Variants in ZNF280D observed in about 807,000 individuals in gnomAD.
ZNF280D encodes the protein zinc finger protein 280D.
In ZNF280D, 39 loss-of-function variants were observed where a neutral mutation model predicts 94.7. The ratio of observed to expected loss-of-function variants is 0.41; its 90% CI spans 0.32 to 0.54. The LOEUF is 0.54. Ranked by LOEUF, ZNF280D falls within the 20% of genes least tolerant of loss-of-function variation. ZNF280D has a pLI of 0.22. For missense variants in ZNF280D, 1,090 were observed against 1,149.3 expected, an observed-to-expected ratio of 0.95 and a Z score of 0.75; for synonymous variants, 398 against 377.6, an observed-to-expected ratio of 1.05 and a Z score of -0.63.
intron 16 of ZNF280D, among the ~76,000 whole-genome samples, chr15:56,664,962 T>TAC (rs2054188914): frequency 6.6e-6 from 1 of 152,144 alleles, no homozygotes; most frequent in Non-Finnish European, 1.5e-5. Flanking sequence ...GAGTCAAAGC[T>TAC]CTGAACATCA....
At chr15:56,727,644 AAG>A (rs2058689803) in intron 1 of ZNF280D, among the ~76,000 whole-genome samples, 1 of 152,184 alleles carries the variant, frequency 6.6e-6, no homozygotes, top group African/African-American at 2.4e-5. Flanking sequence ...GAATACAATT[AAG>A]AACTCAGACT....
At chr15:56,655,497 G>A (rs772612624) in intron 17 of ZNF280D, among the ~76,000 whole-genome samples, 9 of 152,224 alleles carry the variant, frequency 5.9e-5, no homozygotes, top group South Asian at 2.1e-4. Context: ...GAGCCACTGC[G>A]CCCGGCCTGA....
intron 6 of ZNF280D, chr15:56,699,686 T>A: frequency 1.6e-6 from 1 of 618,440 alleles, no homozygotes; most frequent in Non-Finnish European, 2.0e-6. Context: ...AAAAATCAGG[T>A]AGTTTACCTC....
Position 56,678,832 on chromosome 15 carries a change from T to C in ZNF280D, c.1005-11A>G. ...ATGTGGTTCATAAACCTATAAATGGTTGTCAACAGGTGCAAAACTTGAGAT... is the reference window on the plus strand; with the variant it reads ...ATGTGGTTCATAAACCTATAAATGGCTGTCAACAGGTGCAAAACTTGAGAT... On this transcript the variant is annotated splice_polypyrimidine_tract_variant and intron_variant, in intron 10 of 21. Transcript: ENST00000267807. 1 of 1,525,814 alleles carries C rather than the reference T, an allele frequency of 6.6e-7. No individual in the cohort carries two copies. Among genetic ancestry groups the C allele is most frequent in the East Asian group, 2.3e-5 (1 of 42,584 alleles). 94.5% of individuals were successfully genotyped at this position (1,525,814 alleles called of 1,614,324 possible).
chr15:56,731,980 G>A (rs1213469783), intron 1 of ZNF280D, among the ~76,000 whole-genome samples: 1 of 152,070 alleles, frequency 6.6e-6, no homozygotes, highest in African/African-American at 2.4e-5. Flanking sequence ...GACCAGCCTG[G>A]GCAACATAAC....
At chr15:56,690,933 T>C (rs944692049) in intron 7 of ZNF280D, among the ~76,000 whole-genome samples, 4 of 152,158 alleles carry the variant, frequency 2.6e-5, no homozygotes, top group Admixed American at 6.5e-5. Context: ...CTTGTCACTC[T>C]CTAGTTATGT....
chr15:56,678,629 A>G (rs2055406318), intron 11 of ZNF280D, 35 bp downstream of exon 11: 1 of 1,476,068 alleles, frequency 6.8e-7, no homozygotes, highest in African/African-American at 1.4e-5. Context: ...AGCGAAATCA[A>G]TAATATGGAA....
intron 1 of ZNF280D, among the ~76,000 whole-genome samples, chr15:56,713,740 A>C (rs1160256798): frequency 6.6e-6 from 1 of 152,196 alleles, no homozygotes. Flanking sequence ...TTTAATGTTC[A>C]CCACCTTACA....
chr15:56,732,335 A>G (rs1163862985), intron 1 of ZNF280D, among the ~76,000 whole-genome samples: 7 of 152,168 alleles, frequency 4.6e-5, no homozygotes, highest in African/African-American at 1.4e-4. Flanking sequence ...ACACAATTAC[A>G]ACAGTATTTG....
In ZNF280D at chr15:56,675,498, T is replaced by G. The variant is rs112742958; in HGVS notation, c.1410+1172A>C. The stretch of plus-strand genomic sequence containing the variant: ...GTGATCTATTCCAAGAATAAATAAA[T>G]ATCTGTATTAAATTTTTTATAAGTA... On this transcript the variant is annotated intron_variant, in intron 13 of 21. Coordinates refer to ENST00000267807, the MANE Select transcript of ZNF280D (RefSeq NM_017661.4). Among the ~76,000 whole-genome samples, 186 of 151,850 alleles carry G rather than the reference T, an allele frequency of 1.2e-3. 6 individuals are homozygous for G. The highest frequency in any genetic ancestry group is 4.3e-3 in the African/African-American group (178 of 41,352).
chr15:56,706,826 T>C (rs1399739080), intron 3 of ZNF280D, among the ~76,000 whole-genome samples: 8 of 152,294 alleles, frequency 5.3e-5, no homozygotes, highest in African/African-American at 1.9e-4. Flanking sequence ...TTAATTTTTG[T>C]CTATGTACAG....
At chr15:56,690,718 G>T (rs750146701) in intron 7 of ZNF280D, among the ~76,000 whole-genome samples, 15 of 151,866 alleles carry the variant, frequency 9.9e-5, no homozygotes, top group South Asian at 2.1e-4. Context: ...GTTTTTTTTT[G>T]AAAATAACAT....
rs149587202 is a variant in ZNF280D, at chr15:56,689,312, T to G, written c.658A>C (p.Met220Leu). The G allele has an allele frequency of 1.9e-6, 3 of 1,597,822 alleles. No individual in the cohort carries two copies. The South Asian group carries it at 3.5e-5, about 18-fold the overall frequency. The change falls in exon 8 of 22, where the codon ATG becomes CTG. Residue 220 changes from methionine (M) to leucine (L), a missense_variant. Met to Leu is a conservative substitution (Grantham distance 15). Transcript: ENST00000267807. Reference protein sequence around the residue: ...KSPSVTSSQAMLAKGTNTSSN... With the variant: ...KSPSVTSSQALLAKGTNTSSN... ...ATTTCATATTTACCTTTTGCTAGCA[T>G]AGCCTGGGAAGAAGTCACTGAAGGA...
intron 20 of ZNF280D, among the ~76,000 whole-genome samples, chr15:56,641,217 A>G (rs2052611682): frequency 1.3e-5 from 2 of 152,124 alleles, no homozygotes; most frequent in East Asian, 1.9e-4. Context: ...TTCATCAAAT[A>G]CACTTTCAAA....
chr15:56,730,392 T>C (rs1220175855), intron 1 of ZNF280D: 1 of 152,244 alleles, frequency 6.6e-6, no homozygotes, highest in East Asian at 1.9e-4. Flanking sequence ...ATGTTGTCAA[T>C]AGAAATATCC....
intron 3 of ZNF280D, among the ~76,000 whole-genome samples, chr15:56,705,752 G>A (rs1388123213): frequency 6.6e-6 from 1 of 151,670 alleles, no homozygotes; most frequent in Non-Finnish European, 1.5e-5. Flanking sequence ...TAACATATAC[G>A]ATCTCAAACT....
chr15:56,681,754 C>T (rs985682467), intron 10 of ZNF280D, among the ~76,000 whole-genome samples: 25 of 151,976 alleles, frequency 1.6e-4, no homozygotes, highest in Admixed American at 2.6e-4. Context: ...ATTTTAAAAT[C>T]AAAACAGACA....
intron 10 of ZNF280D, among the ~76,000 whole-genome samples, chr15:56,679,567 C>A (rs2055479278): frequency 6.6e-6 from 1 of 152,156 alleles, no homozygotes; most frequent in Non-Finnish European, 1.5e-5. Flanking sequence ...GGAATTATGA[C>A]CTTCAATGGC....
intron 12 of ZNF280D, 100 bp from the exon 13 acceptor site, chr15:56,676,916 A>T: frequency 1.1e-6 from 1 of 905,032 alleles, no homozygotes; most frequent in Non-Finnish European, 1.7e-6. Context: ...AACATTATGT[A>T]CTACTAATCT....
Sources: allele counts gnomAD v4.1 joint callset (sites outside exome capture counted in the v4.1 genomes callset), GRCh38; gene constraint gnomAD v4.1.1; transcripts MANE v1.5; gene names NCBI Gene and HGNC (gene_info 2026-07-23, HGNC 2026-07-21).